The following VPS13D variants were observed in gnomAD, a reference collection of about 807,000 sequenced individuals.
VPS13D encodes vacuolar protein sorting 13 homolog D, also known as intermembrane lipid transfer protein VPS13D.
A neutral mutation model predicts 461.9 loss-of-function variants in VPS13D; 187 were observed. The observed-to-expected ratio is 0.40, with a 90% confidence interval of 0.36 to 0.46. The LOEUF (loss-of-function observed/expected upper bound fraction) is 0.46, where lower values mean the gene tolerates loss of function less well. Ranked by LOEUF, VPS13D falls within the 20% of genes least tolerant of loss-of-function variation. The pLI, the probability that VPS13D is intolerant of heterozygous loss-of-function variation, is 0.60. For missense variants in VPS13D, 4,711 were observed against 5,364.9 expected, an observed-to-expected ratio of 0.88 and a Z score of 3.81; for synonymous variants, 1,951 against 1,986.3, an observed-to-expected ratio of 0.98 and a Z score of 0.47.
chr1:12,262,238 G>A (rs979987515), intron 13 of VPS13D, among the ~76,000 whole-genome samples, 158 bp downstream of exon 13: 17 of 152,144 alleles, frequency 1.1e-4, no homozygotes, highest in African/African-American at 4.1e-4. Flanking sequence ...TACTGGGTTA[G>A]GTTCATGTGA....
chr1:12,337,941 C>T (rs540316006), intron 39 of VPS13D: 106 of 251,846 alleles, frequency 4.2e-4, no homozygotes, highest in Non-Finnish European at 6.5e-4. Flanking sequence ...TCAAAAGGCT[C>T]GTCATTCTGT....
In VPS13D at chr1:12,454,090, TAGATACC is replaced by T. The variant is rs952501885; in HGVS notation, c.12334-1905_12334-1899del. 1.2e-3 allele frequency among the ~76,000 whole-genome samples: 177 copies of T among 152,306 alleles called. 1 individual carries two copies. The highest frequency in any genetic ancestry group is 4.1e-3 in the African/African-American group (169 of 41,562). ...TAATAAGAACAGTAAGAATGCTAAC[TAGATACC>T]AGGCCCCCGAGCCATTGTCATGAAT... is the stretch of plus-strand genomic sequence containing the variant. On this transcript the variant is annotated intron_variant, in intron 65 of 69. Coordinates refer to ENST00000620676, the MANE Select transcript of VPS13D (RefSeq NM_015378.4).
At chr1:12,398,931 C>T (rs145406666) in intron 60 of VPS13D, among the ~76,000 whole-genome samples, 2 of 152,236 alleles carry the variant, frequency 1.3e-5, no homozygotes, top group East Asian at 3.9e-4. Context: ...TTGCCACTGA[C>T]CAGCAGTGTG....
intron 65 of VPS13D, among the ~76,000 whole-genome samples, chr1:12,435,908 A>G (rs559311271): frequency 1.3e-5 from 2 of 152,290 alleles, no homozygotes; most frequent in South Asian, 2.1e-4. Context: ...AAACCAGGAA[A>G]TTGTTCTAAC....
At position 12,282,838 on chromosome 1, in the gene VPS13D, G is replaced by A. The variant is rs748833527; in HGVS notation, c.4736G>A (p.Ser1579Asn). The A allele has an allele frequency of 6.2e-7, 1 of 1,614,098 alleles. No individual in the cohort carries two copies. Among genetic ancestry groups the A allele is most frequent in the Non-Finnish European group, 8.5e-7 (1 of 1,180,014 alleles). The change falls in exon 21 of 70, where the codon AGT becomes AAT. Residue 1579 changes from serine to asparagine, a missense_variant. By Grantham distance (46) the Ser-to-Asn change is conservative. Transcript: ENST00000620676. ...CCTGATTCTCCTCTGCCTCCCCTCAGTACCTGTGGAGAATCTTCTGTTGAA... is the reference window on the plus strand; with the variant it reads ...CCTGATTCTCCTCTGCCTCCCCTCAATACCTGTGGAGAATCTTCTGTTGAA... The part of the protein sequence containing the change: ...PCPDSPLPPL[S>N]TCGESSVERK...
intron 66 of VPS13D, among the ~76,000 whole-genome samples, chr1:12,458,515 G>A (rs772532870): frequency 7.2e-5 from 11 of 151,882 alleles, no homozygotes; most frequent in Non-Finnish European, 1.5e-4. Context: ...TGCAGCAAGC[G>A]GTAATCATGC....
At chr1:12,382,734 A>G (rs1343481940) in intron 57 of VPS13D, among the ~76,000 whole-genome samples, 1 of 152,240 alleles carries the variant, frequency 6.6e-6, no homozygotes. Flanking sequence ...TGATCTATGC[A>G]TGAAATTATC....
In VPS13D at chr1:12,415,124, T is replaced by G; in HGVS notation, c.12068T>G (p.Phe4023Cys). 1 of 1,614,138 alleles carries G rather than the reference T, an allele frequency of 6.2e-7. No homozygotes were observed. Among genetic ancestry groups the G allele is most frequent in the East Asian group, 2.2e-5 (1 of 44,870 alleles). ...ACCTTGGGGTTTCCTTTGATACGGT[T>G]TGAAGACGCTGTGATTAATCTAGAT... ...KSTLGFPLIRFEDAVINLDPF... is the reference protein window; with the variant it reads ...KSTLGFPLIRCEDAVINLDPF... The change falls in exon 64 of 70, where the codon TTT (phenylalanine) becomes TGT (cysteine). Residue 4023 changes from phenylalanine (F) to cysteine (C), a missense_variant. This residue lies in a region of VPS13D where 4,411 missense variants were observed against 4,937.8 expected (regional missense o/e 0.89). Coordinates refer to ENST00000620676, the MANE Select transcript of VPS13D (RefSeq NM_015378.4).
intron 67 of VPS13D, among the ~76,000 whole-genome samples, chr1:12,490,174 C>A (rs1397455143): frequency 6.6e-6 from 1 of 152,188 alleles, no homozygotes; most frequent in Non-Finnish European, 1.5e-5. Flanking sequence ...AGGCACAAAC[C>A]ATTTGCAGGG....
intron 27 of VPS13D, among the ~76,000 whole-genome samples, chr1:12,310,464 A>G (rs1189103502): frequency 1.3e-5 from 2 of 152,176 alleles, no homozygotes; most frequent in Admixed American, 1.3e-4. Flanking sequence ...AAAGCTTTTT[A>G]GTATTGAGAT....
chr1:12,498,838 G>C (rs1645996049), intron 68 of VPS13D, among the ~76,000 whole-genome samples: 1 of 152,048 alleles, frequency 6.6e-6, no homozygotes, highest in Non-Finnish European at 1.5e-5. Context: ...TCTCTTATAA[G>C]GGTACTAATC....
At chr1:12,249,176 A>G (rs745433213) in intron 5 of VPS13D, 47 bp from the exon 6 acceptor site, 3 of 1,419,262 alleles carry the variant, frequency 2.1e-6, no homozygotes, top group Non-Finnish European at 2.0e-6. Context: ...TCTTTGGAAC[A>G]CTATTCTGCA....
intron 60 of VPS13D, among the ~76,000 whole-genome samples, chr1:12,393,495 A>G (rs1644455233): frequency 6.6e-6 from 1 of 152,206 alleles, no homozygotes; most frequent in South Asian, 2.1e-4. Context: ...GAAACCCCAC[A>G]TCTGGTACAG....
At chr1:12,233,545 C>G (rs534024624) in intron 1 of VPS13D, among the ~76,000 whole-genome samples, 1 of 152,260 alleles carries the variant, frequency 6.6e-6, no homozygotes, top group African/African-American at 2.4e-5. Context: ...ATAGGAGAAC[C>G]TCTGATCACG....
intron 60 of VPS13D, among the ~76,000 whole-genome samples, chr1:12,395,662 T>C (rs1644485383): frequency 6.6e-6 from 1 of 152,152 alleles, no homozygotes; most frequent in Non-Finnish European, 1.5e-5. Flanking sequence ...CCAGCTTCAT[T>C]ATGTTACTTG....
intron 47 of VPS13D, 23 bp downstream of exon 47, chr1:12,354,244 A>G (rs1331904935): frequency 1.2e-6 from 2 of 1,611,756 alleles, no homozygotes; most frequent in Non-Finnish European, 8.5e-7. Context: ...TCAGATGATC[A>G]TTTGTCATAA....
Position 12,383,170 on chromosome 1 carries a change from T to C in VPS13D, c.11370+15T>C. ...GAGCACTCCAGGTGATAATTTGTCATAAGAGCTGATGTGAAACTCTGTACT... is the reference window on the plus strand; with the variant it reads ...GAGCACTCCAGGTGATAATTTGTCACAAGAGCTGATGTGAAACTCTGTACT... On this transcript the variant is annotated intron_variant, in intron 58 of 69. Transcript: ENST00000620676. The C allele has an allele frequency of 6.2e-7, 1 of 1,605,206 alleles. No individual in the cohort carries two copies. Among genetic ancestry groups the C allele is most frequent in the Non-Finnish European group, 8.5e-7 (1 of 1,176,186 alleles).
chr1:12,293,954 C>T (rs754588788), intron 24 of VPS13D, among the ~76,000 whole-genome samples: 2 of 152,166 alleles, frequency 1.3e-5, no homozygotes, highest in African/African-American at 4.8e-5. Context: ...TTACAAAGAA[C>T]ACTTAAGACT....
At chr1:12,379,353 G>A in intron 56 of VPS13D, 135 bp from the exon 57 acceptor site, 4 of 696,896 alleles carry the variant, frequency 5.7e-6, no homozygotes, top group Admixed American at 3.1e-5. Context: ...TAGGATTCAA[G>A]CTAACTACCC....
Sources: allele counts gnomAD v4.1 joint callset (sites outside exome capture counted in the v4.1 genomes callset), GRCh38; gene constraint gnomAD v4.1.1; regional missense constraint gnomAD v4.1.1; transcripts MANE v1.5; gene names NCBI Gene and HGNC (gene_info 2026-07-23, HGNC 2026-07-21).